RPS19: variants seen among roughly 807,000 people sequenced by gnomAD.
RPS19 encodes the protein small ribosomal subunit protein eS19.
RPS19 carries 1 observed loss-of-function variant against 20.3 expected under a neutral mutation model. That is an observed-to-expected ratio of 0.05 (90% CI 0.02 to 0.23). The LOEUF (loss-of-function observed/expected upper bound fraction) is 0.23. RPS19 is among the 10% of genes least tolerant of loss of function. The pLI, the probability that RPS19 is intolerant of heterozygous loss-of-function variation, is 1.00. For missense variants in RPS19, 111 were observed against 192.7 expected (o/e 0.58, Z 2.51); for synonymous variants, 87 against 74.8 (o/e 1.16, Z -0.84).
At chr19:41,866,921 G>T (rs2074096446) in intron 3 of RPS19, among the ~76,000 whole-genome samples, 1 of 152,128 alleles carries the variant, frequency 6.6e-6, no homozygotes, top group African/African-American at 2.4e-5. Flanking sequence ...GGAGGCTGAG[G>T]CAGGAGAATG....
chr19:41,871,435 T>A lies in RPS19; in HGVS notation c.*58T>A. ...TTCGTAATCCTGGTCTGGGTCTCTT[T>A]TTTGAGTCTCTTGCTCTGTCGCCCA... On this transcript the variant is annotated 3_prime_UTR_variant, in exon 6 of 6. Transcript: ENST00000598742. 1.3e-6 allele frequency: 2 copies of A among 1,499,672 alleles called. No homozygotes were observed. The highest frequency in any genetic ancestry group is 2.3e-5 in the South Asian group (2 of 88,620). 92.9% of individuals were successfully genotyped at this position (1,499,672 alleles called of 1,614,324 possible).
At chr19:41,863,292 A>C (rs1216528649) in intron 3 of RPS19, among the ~76,000 whole-genome samples, 2 of 152,114 alleles carry the variant, frequency 1.3e-5, no homozygotes, top group African/African-American at 4.8e-5. Context: ...GGCAAAGTTG[A>C]CCAGCCTCTA....
intron 3 of RPS19, among the ~76,000 whole-genome samples, chr19:41,863,163 G>C (rs1271001399): frequency 6.6e-6 from 1 of 152,174 alleles, no homozygotes; most frequent in Non-Finnish European, 1.5e-5. Context: ...GACTACAGGT[G>C]CCTATCAGTC....
intron 3 of RPS19, among the ~76,000 whole-genome samples, chr19:41,861,772 C>T (rs2074034789): frequency 6.6e-6 from 1 of 152,240 alleles, no homozygotes; most frequent in Non-Finnish European, 1.5e-5. Context: ...CAGGCTGTTT[C>T]TAACTAAATG....
chr19:41,865,879 G>T (rs571622872), intron 3 of RPS19, among the ~76,000 whole-genome samples: 2 of 149,834 alleles, frequency 1.3e-5, no homozygotes, highest in South Asian at 4.2e-4. Context: ...AACCCGGGAG[G>T]CGGAGCTTGC....
In RPS19 at chr19:41,861,449, A is replaced by G. The variant is rs116898778; in HGVS notation, c.172+237A>G. 1,970 of 553,316 alleles carry G rather than the reference A, an allele frequency of 3.6e-3. 45 individuals carry two copies. The East Asian group carries it at 0.048, about 13-fold the overall frequency. The allele number at this position is 553,316 out of a possible 1,614,324, so 34.3% of individuals were successfully genotyped here. ...GGCTTTGAGCCTCAGGGGAAACCAG[A>G]GACAGATGAATGTTCATATTTTGCT... On this transcript the variant is annotated intron_variant, in intron 3 of 5. Coordinates refer to ENST00000598742, the MANE Select transcript of RPS19 (RefSeq NM_001022.4).
intron 2 of RPS19, 76 bp downstream of exon 2, chr19:41,860,921 C>G: frequency 7.3e-7 from 1 of 1,371,434 alleles, no homozygotes; most frequent in Admixed American, 1.8e-5. Flanking sequence ...CAGTGTTTGC[C>G]GGTCCCTGGC....
Position 41,869,764 on chromosome 19 carries a change from C to T in RPS19, c.411+11C>T, listed in dbSNP as rs1415623806. On this transcript the variant is annotated intron_variant, in intron 5 of 5. Transcript: ENST00000598742. ...AGAATCGCCGGACAGGTAAGGCCTGCGTTTGGGGTGGGGCTGGGTCCCTTA... is the reference window on the plus strand; with the variant it reads ...AGAATCGCCGGACAGGTAAGGCCTGTGTTTGGGGTGGGGCTGGGTCCCTTA... 9.3e-6 allele frequency: 15 copies of T among 1,613,708 alleles called. No homozygotes were observed. The African/African-American group carries it at 9.3e-5, about 10-fold the overall frequency.
In RPS19 at chr19:41,871,334, TC is replaced by T. The variant is rs782441699; in HGVS notation, c.412-15del. ...GACCCCCTTGACTAACTTTTATTCT[TC>T]CATCTTTTCCCACAGGTGGCAGCTG... On this transcript the variant is annotated splice_polypyrimidine_tract_variant and intron_variant, in intron 5 of 5. Transcript: ENST00000598742. 33 of 1,613,526 alleles carry T rather than the reference TC, an allele frequency of 2.0e-5. No homozygotes were observed. The South Asian group carries it at 3.6e-4, about 18-fold the overall frequency.
chr19:41,869,889 C>A, intron 5 of RPS19, 136 bp downstream of exon 5: 1 of 849,734 alleles, frequency 1.2e-6, no homozygotes, highest in Non-Finnish European at 1.9e-6. Flanking sequence ...CAGAGGAGGG[C>A]TGCCCAGAGA....
intron 3 of RPS19, 73 bp from the exon 4 acceptor site, chr19:41,868,958 G>T: frequency 6.8e-7 from 1 of 1,465,800 alleles, no homozygotes. Context: ...AGAATTAGCT[G>T]TTTACACACA....
rs782604920 is a variant in RPS19 at position 41,861,157 on chromosome 19, G to A, written c.117G>A (p.Leu39=). The A allele has an allele frequency of 1.2e-6, 2 of 1,614,168 alleles. No homozygotes were observed. The highest frequency in any genetic ancestry group is 8.5e-7 in the Non-Finnish European group (1 of 1,180,036). ...CCGAATGGGTGGATACCGTCAAGCT[G>A]GCCAAGCACAAAGAGCTTGCTCCCT... ...KVPEWVDTVK[L]AKHKELAPYD... The change falls in exon 3 of 6, where the codon CTG becomes CTA. Residue 39 remains leucine (L), a synonymous_variant. Coordinates refer to ENST00000598742, the MANE Select transcript of RPS19 (RefSeq NM_001022.4).
intron 5 of RPS19, among the ~76,000 whole-genome samples, chr19:41,871,118 C>G (rs1239447466): frequency 6.6e-6 from 1 of 152,034 alleles, no homozygotes; most frequent in Non-Finnish European, 1.5e-5. Flanking sequence ...CTGCCTCGGC[C>G]TTCCAGAGTG....
At chr19:41,862,416 G>A (rs545774138) in intron 3 of RPS19, among the ~76,000 whole-genome samples, 106 of 152,106 alleles carry the variant, frequency 7.0e-4, no homozygotes, top group Non-Finnish European at 1.1e-3. Context: ...AAAATGGGGC[G>A]GATGAAGAGA....
At chr19:41,860,718 G>A in intron 1 of RPS19, 57 bp from the exon 2 acceptor site, 1 of 1,285,188 alleles carries the variant, frequency 7.8e-7, no homozygotes, top group Admixed American at 1.7e-5. Context: ...TGGGGTCCGT[G>A]CTCTTGGCAG....
At chr19:41,868,280 A>G (rs1194121015) in intron 3 of RPS19, among the ~76,000 whole-genome samples, 1 of 152,196 alleles carries the variant, frequency 6.6e-6, no homozygotes, top group African/African-American at 2.4e-5. Context: ...GAGCTGTGTG[A>G]CACGGAGCCA....
At chr19:41,860,707 G>A in intron 1 of RPS19, 68 bp from the exon 2 acceptor site, 2 of 1,138,108 alleles carry the variant, frequency 1.8e-6, no homozygotes, top group Admixed American at 1.7e-5. Flanking sequence ...AAGGATTGGG[G>A]TGGGGTCCGT....
intron 5 of RPS19, 73 bp downstream of exon 5, chr19:41,869,826 C>T: frequency 6.7e-7 from 1 of 1,493,768 alleles, no homozygotes; most frequent in African/African-American, 1.4e-5. Context: ...CATACTTTGT[C>T]AGGTAGACTT....
At position 41,871,347 on chromosome 19, in the gene RPS19, A is replaced by C; in HGVS notation, c.412-4A>C. ...AACTTTTATTCTTCCATCTTTTCCC[A>C]CAGGTGGCAGCTGCCAACAAGAAGC... is the stretch of plus-strand genomic sequence containing the variant. On this transcript the variant is annotated splice_polypyrimidine_tract_variant and splice_region_variant and intron_variant, in intron 5 of 5. Transcript: ENST00000598742. 1 of 1,613,886 alleles carries C rather than the reference A, an allele frequency of 6.2e-7. No individual in the cohort carries two copies.
Sources: gnomAD v4.1 joint callset for allele counts (sites outside exome capture counted in the v4.1 genomes callset) on GRCh38, gnomAD v4.1.1 for gene constraint, MANE v1.5 for transcripts, NCBI Gene and HGNC (gene_info 2026-07-23, HGNC 2026-07-21) for gene names.